The following MYH7B variants were observed in gnomAD, a reference collection of about 807,000 sequenced individuals.
MYH7B encodes the protein myosin-7B.
In MYH7B, 205 loss-of-function variants were observed where a neutral mutation model predicts 234.5. That is an observed-to-expected ratio of 0.87 (90% CI 0.78 to 0.98). The LOEUF (loss-of-function observed/expected upper bound fraction) is 0.98, where lower values mean the gene tolerates loss of function less well. Among genes scored for constraint, MYH7B ranks in the 50% least tolerant of loss-of-function variants. The pLI is 0.00. For missense variants in MYH7B, 2,652 were observed against 2,633.4 expected, an observed-to-expected ratio of 1.01 and a Z score of -0.15; for synonymous variants, 1,193 against 1,105.0, an observed-to-expected ratio of 1.08 and a Z score of -1.58.
chr20:34,987,420 A>G, intron 16 of MYH7B, 133 bp downstream of exon 16: 1 of 1,430,700 alleles, frequency 7.0e-7, no homozygotes, highest in Non-Finnish European at 9.6e-7. Context: ...CCAAACCCTT[A>G]CCCTCCTGAG....
chr20:34,993,831 G>A (rs1159484930), intron 26 of MYH7B, among the ~76,000 whole-genome samples: 1 of 152,230 alleles, frequency 6.6e-6, no homozygotes. Flanking sequence ...CTCAGCAGAA[G>A]GGTGCCCGTG....
In MYH7B at chr20:34,987,039, G is replaced by A. The variant is rs201789682; in HGVS notation, c.1008+50G>A. On this transcript the variant is annotated intron_variant, in intron 15 of 44. Transcript: ENST00000262873. ...CTGTGTGGACGCCTGTGGTGGAATC[G>A]GGCAGCACTGCCGGTGCCCCCAGCT... The A allele has an allele frequency of 1.0e-4, 167 of 1,609,038 alleles. 1 individual carries two copies. The Admixed American group carries it at 2.2e-3, about 22-fold the overall frequency.
intron 2 of MYH7B, among the ~76,000 whole-genome samples, chr20:34,970,208 T>C (rs6060133): frequency 0.36 from 54,157 of 152,060 alleles, 10,947 homozygotes; most frequent in African/African-American, 0.55. Flanking sequence ...CGGTGAACAC[T>C]TACCACGTAC....
At position 34,997,126 on chromosome 20, in the gene MYH7B, G is replaced by A. The variant is rs776117629; in HGVS notation, c.3310G>A (p.Glu1104Lys). 2.1e-5 allele frequency: 33 copies of A among 1,549,218 alleles called. No individual in the cohort carries two copies. The East Asian group carries it at 6.6e-4, about 31-fold the overall frequency. ...CCAGCTGAGCCTGCGGGTGGAAGAC[G>A]AGCAGCTCTTGGGGGCCCAGATGCA... The change falls in exon 31 of 45, where the codon GAG (glutamate) becomes AAG (lysine). Residue 1104 changes from glutamate to lysine, a missense_variant. Physicochemically the swap from Glu to Lys is moderately conservative, Grantham distance 56. Coordinates refer to ENST00000262873, the Ensembl canonical transcript of MYH7B.
At chr20:34,989,837 A>G (rs1257154211) in exon 20 of MYH7B, 2 of 1,614,178 alleles carry the variant, frequency 1.2e-6, no homozygotes, top group East Asian at 2.2e-5. Context: ...CACGCGGGGA[A>G]GTCACCCAAT....
exon 40 of MYH7B, chr20:35,000,884 C>T: frequency 6.2e-7 from 1 of 1,612,814 alleles, no homozygotes; most frequent in Non-Finnish European, 8.5e-7. Flanking sequence ...CCAAAAAGGC[C>T]ATCACTGATG....
At chr20:34,977,358 G>A (rs182491503) in intron 3 of MYH7B, among the ~76,000 whole-genome samples, 62 of 152,086 alleles carry the variant, frequency 4.1e-4, no homozygotes, top group South Asian at 2.1e-4. Flanking sequence ...GTCAGACTCT[G>A]CGTGACTTGG....
At chr20:34,970,291 C>G (rs1343402085) in intron 2 of MYH7B, among the ~76,000 whole-genome samples, 5 of 152,194 alleles carry the variant, frequency 3.3e-5, no homozygotes, top group Non-Finnish European at 7.3e-5. Flanking sequence ...ATCCCAGTGC[C>G]CATGAGTGTC....
chr20:34,997,708 C>A (rs1197760737), intron 32 of MYH7B, 68 bp downstream of exon 32: 1 of 1,572,874 alleles, frequency 6.4e-7, no homozygotes, highest in Non-Finnish European at 8.6e-7. Flanking sequence ...GCAGCCAATA[C>A]TGTTCCCACA....
chr20:34,988,290 G>A, intron 19 of MYH7B, 28 bp downstream of exon 19: 1 of 1,599,952 alleles, frequency 6.3e-7, no homozygotes, highest in South Asian at 1.1e-5. Flanking sequence ...GTCACTTTGA[G>A]GAAGGGAGGG....
chr20:34,960,372 A>G (rs2081683112), intron 2 of MYH7B, among the ~76,000 whole-genome samples: 1 of 152,154 alleles, frequency 6.6e-6, no homozygotes, highest in Admixed American at 6.6e-5. Context: ...AGTAGCTGGG[A>G]CTACAGGCGC....
chr20:34,967,184 A>T (rs2081750354), intron 2 of MYH7B, among the ~76,000 whole-genome samples: 1 of 151,994 alleles, frequency 6.6e-6, no homozygotes, highest in Non-Finnish European at 1.5e-5. Context: ...AGCCGACATC[A>T]CGCCACTGTA....
exon 45 of MYH7B, chr20:35,002,266 A>ATCTC (rs2082407593): frequency 2.1e-6 from 3 of 1,460,828 alleles, no homozygotes; most frequent in Admixed American, 2.3e-5. Flanking sequence ...CGATCCTGCC[A>ATCTC]TCTCTGCATC....
intron 3 of MYH7B, among the ~76,000 whole-genome samples, chr20:34,976,803 T>C (rs909588478): frequency 3.9e-5 from 6 of 152,162 alleles, no homozygotes; most frequent in Non-Finnish European, 8.8e-5. Flanking sequence ...CACTTCCAAA[T>C]GCACAAGTGT....
At chr20:34,989,813 A>C (rs759647352) in exon 20 of MYH7B, 1 of 1,614,198 alleles carries the variant, frequency 6.2e-7, no homozygotes, top group Non-Finnish European at 8.5e-7. Context: ...TTCCGGGCCA[A>C]GCTCTACGAC....
chr20:34,991,964 G>GTT (rs1023846837), intron 24 of MYH7B, among the ~76,000 whole-genome samples: 2 of 152,184 alleles, frequency 1.3e-5, no homozygotes, highest in African/African-American at 4.8e-5. Context: ...TGCATGCTTT[G>GTT]TTTAATGAGT....
intron 2 of MYH7B, among the ~76,000 whole-genome samples, chr20:34,959,998 A>T (rs906935899): frequency 6.6e-6 from 1 of 152,204 alleles, no homozygotes; most frequent in Non-Finnish European, 1.5e-5. Context: ...CAGCAGTGTC[A>T]GCCATGGTGT....
intron 41 of MYH7B, 24 bp from the exon 42 acceptor site, chr20:35,001,221 A>G (rs748276219): frequency 6.2e-7 from 1 of 1,606,950 alleles, no homozygotes; most frequent in Non-Finnish European, 8.5e-7. Flanking sequence ...TGGGCTTGGC[A>G]TCAGGCTGTC....
chr20:34,986,817 T>C lies in MYH7B; in HGVS notation c.905-69T>C, dbSNP rs2082033023. On this transcript the variant is annotated intron_variant, in intron 14 of 44. Coordinates refer to ENST00000262873, the Ensembl canonical transcript of MYH7B. ...CTTGCCCCCGCAGGACCCCCTATGCTGCAATTGTTGTGGGGAGAATAGCCG... is the reference window on the plus strand; with the variant it reads ...CTTGCCCCCGCAGGACCCCCTATGCCGCAATTGTTGTGGGGAGAATAGCCG... 2.2e-6 allele frequency: 3 copies of C among 1,338,290 alleles called. No individual in the cohort carries two copies. The African/African-American group carries it at 4.3e-5, about 19-fold the overall frequency. 82.9% of individuals were successfully genotyped at this position (1,338,290 alleles called of 1,614,324 possible).
Sources: gnomAD v4.1 joint callset for allele counts (sites outside exome capture counted in the v4.1 genomes callset) on GRCh38, gnomAD v4.1.1 for gene constraint, MANE v1.5 for transcripts, NCBI Gene and HGNC (gene_info 2026-07-23, HGNC 2026-07-21) for gene names.